EPS15: variants seen among roughly 807,000 people sequenced by gnomAD.
EPS15 encodes the protein epidermal growth factor receptor substrate 15.
In EPS15, 72 loss-of-function variants were observed where a neutral mutation model predicts 113.8. That is an observed-to-expected ratio of 0.63 (90% CI 0.52 to 0.77). The LOEUF (loss-of-function observed/expected upper bound fraction) is 0.77, where lower values mean the gene tolerates loss of function less well. EPS15 is among the 30% of genes least tolerant of loss of function. EPS15 has a pLI of 0.00. For missense variants in EPS15, 1,048 were observed against 1,045.8 expected, an observed-to-expected ratio of 1.00 and a Z score of -0.03; for synonymous variants, 344 against 363.4, an observed-to-expected ratio of 0.95 and a Z score of 0.61.
At chr1:51,392,813 A>G (rs901248839) in intron 21 of EPS15, among the ~76,000 whole-genome samples, 2 of 152,202 alleles carry the variant, frequency 1.3e-5, no homozygotes, top group Non-Finnish European at 2.9e-5. Context: ...TGCTGGTTTA[A>G]TTAACTCTTA....
rs1315371497 is a variant in EPS15 at position 51,356,499 on chromosome 1, G to A, written c.*201C>T. On this transcript the variant is annotated 3_prime_UTR_variant, in exon 25 of 25. Transcript: ENST00000371733. ...AAGTGAAGGTGAATTTGTCTGACTG[G>A]GTTACGGCTTTTATAAGAAAAAAAA... 1 of 480,640 alleles carries A rather than the reference G, an allele frequency of 2.1e-6. No homozygotes were observed. Among genetic ancestry groups the A allele is most frequent in the Admixed American group, 3.9e-5 (1 of 25,662 alleles). 29.8% of individuals were successfully genotyped at this position (480,640 alleles called of 1,614,324 possible).
intron 1 of EPS15, among the ~76,000 whole-genome samples, chr1:51,489,303 A>ATATATATATG (rs1360006242): frequency 6.4e-5 from 9 of 140,092 alleles, no homozygotes; most frequent in Middle Eastern, 3.8e-3. Flanking sequence ...ATATATATAT[A>ATATATATATG]TATGTATGTA....
At position 51,431,027 on chromosome 1, in the gene EPS15, C is replaced by CAA. The variant is rs35143535; in HGVS notation, c.1041-9171_1041-9170dup. Among the ~76,000 whole-genome samples the CAA allele has an allele frequency of 1.8e-3, 171 of 96,030 alleles. 1 individual carries two copies. The highest frequency in any genetic ancestry group is 4.9e-3 in the Middle Eastern group (1 of 206). The allele number at this position is 96,030 out of a possible 152,430, so 63.0% of individuals were successfully genotyped here. On this transcript the variant is annotated intron_variant, in intron 12 of 24. Transcript: ENST00000371733. ...ACACACACACACACACACACACACACAAAAATAAAACTTGCCTTAATTATA... is the reference window on the plus strand; with the variant it reads ...ACACACACACACACACACACACACACAAAAAAATAAAACTTGCCTTAATTATA...
At chr1:51,397,891 G>T (rs1021981405) in intron 20 of EPS15, among the ~76,000 whole-genome samples, 16 of 151,946 alleles carry the variant, frequency 1.1e-4, no homozygotes, top group Admixed American at 6.5e-5. Flanking sequence ...ATGAAACTGT[G>T]GTCTCAAAAA....
At chr1:51,445,439 G>A (rs1235146343) in intron 10 of EPS15, among the ~76,000 whole-genome samples, 1 of 152,112 alleles carries the variant, frequency 6.6e-6, no homozygotes, top group Non-Finnish European at 1.5e-5. Flanking sequence ...GCATTAGAAG[G>A]ATTCTAAAAC....
chr1:51,356,137 A>C lies in EPS15; in HGVS notation c.*563T>G, dbSNP rs1487630351. On this transcript the variant is annotated 3_prime_UTR_variant, in exon 25 of 25. Coordinates refer to ENST00000371733, the MANE Select transcript of EPS15 (RefSeq NM_001981.3). ...GTTCAACCTACAGCATCCCTTTTCC[A>C]TAGTGGAGTAAATCTGTGCAAAATA... 4.8e-6 allele frequency: 1 copy of C among 208,226 alleles called. No individual in the cohort carries two copies. The highest frequency in any genetic ancestry group is 7.3e-5 in the East Asian group (1 of 13,652). The allele number at this position is 208,226 out of a possible 1,614,324, so 12.9% of individuals were successfully genotyped here.
intron 21 of EPS15, among the ~76,000 whole-genome samples, chr1:51,371,808 T>A: frequency 6.6e-6 from 1 of 152,218 alleles, no homozygotes; most frequent in Non-Finnish European, 1.5e-5. Context: ...CTTGACTCAC[T>A]GACTCACCCA....
At chr1:51,483,169 C>T (rs1570401778) in intron 1 of EPS15, among the ~76,000 whole-genome samples, 3 of 152,010 alleles carry the variant, frequency 2.0e-5, no homozygotes, top group Admixed American at 1.3e-4. Context: ...ACTTAGTAGC[C>T]GACTCAGTTA....
intron 12 of EPS15, among the ~76,000 whole-genome samples, chr1:51,422,931 T>A (rs1017055350): frequency 7.2e-5 from 11 of 152,216 alleles, no homozygotes; most frequent in Admixed American, 7.2e-4. Flanking sequence ...TCAGTTTCCA[T>A]CTCAGACATA....
At chr1:51,513,376 T>C (rs1186643688) in intron 1 of EPS15, among the ~76,000 whole-genome samples, 1 of 152,236 alleles carries the variant, frequency 6.6e-6, no homozygotes, top group East Asian at 1.9e-4. Flanking sequence ...GAGATCTATA[T>C]GTGATGTTAT....
intron 1 of EPS15, among the ~76,000 whole-genome samples, chr1:51,501,340 G>A (rs1226973926): frequency 2.0e-5 from 3 of 151,934 alleles, no homozygotes; most frequent in Admixed American, 2.0e-4. Context: ...CCCGGGAGGT[G>A]GAGGTTGCAG....
At chr1:51,459,543 T>C (rs1050044811) in intron 8 of EPS15, among the ~76,000 whole-genome samples, 1 of 152,134 alleles carries the variant, frequency 6.6e-6, no homozygotes, top group Non-Finnish European at 1.5e-5. Flanking sequence ...ATATAATGAA[T>C]TTATAAAACT....
chr1:51,499,812 T>A (rs1293657809), intron 1 of EPS15, among the ~76,000 whole-genome samples: 3 of 152,232 alleles, frequency 2.0e-5, no homozygotes, highest in African/African-American at 4.8e-5. Context: ...AAAATACACA[T>A]AACATAAAAT....
chr1:51,453,050 C>T (rs1054457095), intron 8 of EPS15, among the ~76,000 whole-genome samples: 7 of 152,218 alleles, frequency 4.6e-5, no homozygotes, highest in Non-Finnish European at 8.8e-5. Context: ...GTTTTAGAAA[C>T]ACACAAACTT....
At chr1:51,494,240 C>T (rs1229743285) in intron 1 of EPS15, among the ~76,000 whole-genome samples, 1 of 152,042 alleles carries the variant, frequency 6.6e-6, no homozygotes, top group Non-Finnish European at 1.5e-5. Flanking sequence ...AAAAGTGCTC[C>T]ACCTCCTTAA....
intron 1 of EPS15, among the ~76,000 whole-genome samples, chr1:51,483,557 C>T (rs1644062370): frequency 6.6e-6 from 1 of 152,002 alleles, no homozygotes; most frequent in South Asian, 2.1e-4. Flanking sequence ...CCTGTAATCC[C>T]AGCACTTTGG....
intron 6 of EPS15, among the ~76,000 whole-genome samples, chr1:51,464,208 A>G (rs1228099289): frequency 6.6e-6 from 1 of 151,958 alleles, no homozygotes; most frequent in Non-Finnish European, 1.5e-5. Flanking sequence ...ATGACTCTCT[A>G]AAGATGGTAT....
intron 1 of EPS15, among the ~76,000 whole-genome samples, chr1:51,510,245 A>G (rs1644595446): frequency 6.6e-6 from 1 of 152,242 alleles, no homozygotes; most frequent in Non-Finnish European, 1.5e-5. Context: ...ACATAACAAT[A>G]GAGGAATGTA....
intron 12 of EPS15, among the ~76,000 whole-genome samples, chr1:51,438,097 G>T (rs1336925309): frequency 6.6e-6 from 1 of 152,034 alleles, no homozygotes; most frequent in African/African-American, 2.4e-5. Flanking sequence ...TTTAGCATGG[G>T]GATGAGTCTG....
Sources: allele counts gnomAD v4.1 joint callset (sites outside exome capture counted in the v4.1 genomes callset), GRCh38; gene constraint gnomAD v4.1.1; transcripts MANE v1.5; gene names NCBI Gene and HGNC (gene_info 2026-07-23, HGNC 2026-07-21).